Variants in ADAM2 observed in about 807,000 individuals in gnomAD.
The protein encoded by ADAM2 is disintegrin and metalloproteinase domain-containing protein 2.
ADAM2 carries 101 observed loss-of-function variants against 99.3 expected under a neutral mutation model. The ratio of observed to expected loss-of-function variants is 1.02; its 90% CI spans 0.87 to 1.20. ADAM2 has a LOEUF of 1.20. Among genes scored for constraint, ADAM2 ranks in the 50% most tolerant of loss-of-function variants. The pLI, the probability that ADAM2 is intolerant of heterozygous loss-of-function variation, is 0.00. For synonymous variants in ADAM2, 323 were observed against 287.6 expected (o/e 1.12, Z -1.25); for missense variants, 948 against 878.7 (o/e 1.08, Z -1.00).
At chr8:39,834,829 GTA>G (rs1196774571) in intron 2 of ADAM2, among the ~76,000 whole-genome samples, 1 of 150,196 alleles carries the variant, frequency 6.7e-6, no homozygotes, top group African/African-American at 2.5e-5. Flanking sequence ...TTATATTCAG[GTA>G]CCTTCCTTCT....
chr8:39,749,072 A>G (rs1432634627), intron 18 of ADAM2, among the ~76,000 whole-genome samples: 2 of 152,080 alleles, frequency 1.3e-5, no homozygotes, highest in African/African-American at 2.4e-5. Context: ...TGTTTGAAAG[A>G]CTAAAGTGAT....
Position 39,751,423 on chromosome 8 carries a change from G to A in ADAM2, c.1798-1679C>T, listed in dbSNP as rs79047995. On this transcript the variant is annotated intron_variant, in intron 16 of 20. Transcript: ENST00000265708. ...AAACAAAAGTTGAGGAAGGGTTGTTGGTATTACTGGTACCCTTTTTCTGCA... is the reference window on the plus strand; with the variant it reads ...AAACAAAAGTTGAGGAAGGGTTGTTAGTATTACTGGTACCCTTTTTCTGCA... 9.7e-3 allele frequency among the ~76,000 whole-genome samples: 1,475 copies of A among 152,180 alleles called. 36 individuals are homozygous for A. Among genetic ancestry groups the A allele is most frequent in the East Asian group, 0.095 (493 of 5,178 alleles).
chr8:39,752,984 A>G (rs1019870519), intron 16 of ADAM2, among the ~76,000 whole-genome samples: 4 of 152,210 alleles, frequency 2.6e-5, no homozygotes, highest in African/African-American at 7.2e-5. Context: ...AGACTAATAC[A>G]GTAAAATCGG....
At position 39,746,525 on chromosome 8, in the gene ADAM2, C is replaced by T; in HGVS notation, c.2121G>A (p.Val707=). The part of the protein sequence containing the change: ...IIFCVLIAIM[V]KVNFQRKKWR... Reference sequence around the variant, plus strand: ...ATTTTTTCCTTTGGAAATTAACTTTCACCATTATAGCAATCAGTACACAGA... The same window carrying T: ...ATTTTTTCCTTTGGAAATTAACTTTTACCATTATAGCAATCAGTACACAGA... The change falls in exon 19 of 21, where the codon GTG becomes GTA. Residue 707 remains valine (V), a synonymous_variant. Transcript: ENST00000265708. The T allele has an allele frequency of 1.3e-6, 2 of 1,599,776 alleles. No homozygotes were observed. Among genetic ancestry groups the T allele is most frequent in the South Asian group, 1.1e-5 (1 of 87,556 alleles).
At chr8:39,798,699 T>TA (rs1804077385) in intron 7 of ADAM2, among the ~76,000 whole-genome samples, 1 of 152,228 alleles carries the variant, frequency 6.6e-6, no homozygotes, top group African/African-American at 2.4e-5. Flanking sequence ...GGCTATTAAC[T>TA]ACTGCCTCAA....
chr8:39,797,977 C>A (rs532460273), intron 7 of ADAM2, among the ~76,000 whole-genome samples: 2 of 152,266 alleles, frequency 1.3e-5, no homozygotes, highest in Middle Eastern at 3.4e-3. Context: ...TAAAATTATT[C>A]ATCTGCAAAC....
intron 3 of ADAM2, among the ~76,000 whole-genome samples, chr8:39,828,305 A>G (rs1212802851): frequency 6.6e-6 from 1 of 151,860 alleles, no homozygotes; most frequent in African/African-American, 2.4e-5. Context: ...CAGAGGGTAA[A>G]GGGTGTTAGA....
rs142202765 is a variant in ADAM2 at position 39,802,263 on chromosome 8, C to T, written c.570+7147G>A. 7.7e-3 allele frequency among the ~76,000 whole-genome samples: 1,175 copies of T among 152,296 alleles called. 14 individuals are homozygous for T. Among genetic ancestry groups the T allele is most frequent in the African/African-American group, 0.027 (1,126 of 41,562 alleles). Reference sequence around the variant, plus strand: ...CCCGTGCGGCTCTCAGGTGGGCTGCCACACCACACTGCTCTTCCTTCTTTC... The same window carrying T: ...CCCGTGCGGCTCTCAGGTGGGCTGCTACACCACACTGCTCTTCCTTCTTTC... On this transcript the variant is annotated intron_variant, in intron 7 of 20. Transcript: ENST00000265708.
At chr8:39,774,209 T>C (rs958189213) in intron 11 of ADAM2, among the ~76,000 whole-genome samples, 1 of 152,010 alleles carries the variant, frequency 6.6e-6, no homozygotes, top group Non-Finnish European at 1.5e-5. Flanking sequence ...CTTCAGTTAA[T>C]GTATTTATTG....
At chr8:39,833,446 A>G (rs1374752003) in intron 3 of ADAM2, among the ~76,000 whole-genome samples, 1 of 151,988 alleles carries the variant, frequency 6.6e-6, no homozygotes, top group Non-Finnish European at 1.5e-5. Context: ...ATTTCTTAGT[A>G]TATTGTGCTT....
intron 6 of ADAM2, among the ~76,000 whole-genome samples, chr8:39,812,320 G>T (rs1377182244): frequency 6.6e-6 from 1 of 152,186 alleles, no homozygotes; most frequent in Non-Finnish European, 1.5e-5. Context: ...TGGATAGGAA[G>T]AATCAATATT....
intron 15 of ADAM2, among the ~76,000 whole-genome samples, chr8:39,760,448 G>A (rs555743039): frequency 6.6e-5 from 10 of 152,300 alleles, no homozygotes; most frequent in South Asian, 2.1e-4. Flanking sequence ...TTGGCCAGGC[G>A]CGGTGGCTCA....
At chr8:39,748,803 T>TC (rs1246707296) in intron 18 of ADAM2, among the ~76,000 whole-genome samples, 1 of 152,128 alleles carries the variant, frequency 6.6e-6, no homozygotes, top group Non-Finnish European at 1.5e-5. Context: ...CTCCAGAATC[T>TC]CCAACAGTGA....
At position 39,749,759 on chromosome 8, in the gene ADAM2, C is replaced by A; in HGVS notation, c.1798-15G>T. On this transcript the variant is annotated splice_polypyrimidine_tract_variant and intron_variant, in intron 16 of 20. Coordinates refer to ENST00000265708, the MANE Select transcript of ADAM2 (RefSeq NM_001464.5). ...TTCCTGCAAACCTAAAAAGGATGAG[C>A]AAAAATAAGTTAATTGACATGCCAT... 3 of 1,604,720 alleles carry A rather than the reference C, an allele frequency of 1.9e-6. No homozygotes were observed. The highest frequency in any genetic ancestry group is 1.1e-5 in the South Asian group (1 of 90,062).
chr8:39,750,422 A>G (rs961443094), intron 16 of ADAM2, among the ~76,000 whole-genome samples: 1 of 152,146 alleles, frequency 6.6e-6, no homozygotes, highest in African/African-American at 2.4e-5. Context: ...TATTGGCATG[A>G]TTGTGTAGAA....
chr8:39,836,427 TA>T (rs1354796278), intron 2 of ADAM2, among the ~76,000 whole-genome samples: 1 of 152,052 alleles, frequency 6.6e-6, no homozygotes, highest in East Asian at 1.9e-4. Context: ...TGCATTCCTT[TA>T]AAAATGATTT....
At chr8:39,784,637 T>C (rs1399579614) in intron 10 of ADAM2, among the ~76,000 whole-genome samples, 1 of 152,212 alleles carries the variant, frequency 6.6e-6, no homozygotes, top group Non-Finnish European at 1.5e-5. Context: ...TCCTCTTTGT[T>C]AATCAGTGAA....
chr8:39,805,644 A>G (rs115116999), intron 7 of ADAM2, among the ~76,000 whole-genome samples: 47 of 152,306 alleles, frequency 3.1e-4, no homozygotes, highest in African/African-American at 1.1e-3. Context: ...CCATCCTCAT[A>G]GCTAGCTCTA....
At chr8:39,788,015 A>G (rs1586101072) in intron 9 of ADAM2, 70 bp downstream of exon 9, 2 of 1,043,984 alleles carry the variant, frequency 1.9e-6, no homozygotes, top group East Asian at 5.7e-5. Context: ...ATTTATCAAC[A>G]GTAAGATATT....
Sources: gnomAD v4.1 joint callset for allele counts (sites outside exome capture counted in the v4.1 genomes callset) on GRCh38, gnomAD v4.1.1 for gene constraint, MANE v1.5 for transcripts, NCBI Gene and HGNC (gene_info 2026-07-23, HGNC 2026-07-21) for gene names.